Variants in RHOBTB3 observed in about 807,000 individuals in gnomAD.
RHOBTB3 encodes the protein Rho related BTB domain containing 3, also known as rho-related BTB domain-containing protein 3.
A neutral mutation model predicts 67.2 loss-of-function variants in RHOBTB3; 47 were observed. That is an observed-to-expected ratio of 0.70 (90% CI 0.55 to 0.89). The LOEUF is 0.89. Ranked by LOEUF, RHOBTB3 falls within the 40% of genes least tolerant of loss-of-function variation. RHOBTB3 has a pLI of 0.00. For missense variants in RHOBTB3, 631 were observed against 750.0 expected (o/e 0.84, Z 1.85); for synonymous variants, 273 against 274.2 (o/e 1.00, Z 0.04).
chr5:95,742,944 G>A (rs373825849), intron 3 of RHOBTB3, among the ~76,000 whole-genome samples: 42 of 152,260 alleles, frequency 2.8e-4, no homozygotes, highest in Middle Eastern at 3.4e-3. Context: ...GCTGGCGGGC[G>A]CCTGTAGTCC....
intron 10 of RHOBTB3, among the ~76,000 whole-genome samples, chr5:95,785,449 C>T (rs1746195825): frequency 1.3e-5 from 2 of 152,084 alleles, no homozygotes; most frequent in Admixed American, 6.5e-5. Flanking sequence ...AAAAAATTAG[C>T]TGGGTATAGT....
At chr5:95,754,257 A>G (rs912699287) in intron 5 of RHOBTB3, among the ~76,000 whole-genome samples, 26 of 152,348 alleles carry the variant, frequency 1.7e-4, no homozygotes, top group African/African-American at 5.3e-4. Context: ...AGCTGTGTGT[A>G]TAACACTAAA....
intron 7 of RHOBTB3, 82 bp downstream of exon 7, chr5:95,763,702 G>T (rs1006833830): frequency 2.6e-6 from 2 of 772,998 alleles, no homozygotes; most frequent in Non-Finnish European, 4.5e-6. Context: ...AAATTGAGTC[G>T]TTAGAAGAGT....
chr5:95,780,691 C>T (rs1275423104), intron 9 of RHOBTB3, among the ~76,000 whole-genome samples: 1 of 152,164 alleles, frequency 6.6e-6, no homozygotes, highest in Admixed American at 6.5e-5. Flanking sequence ...ATGGGGATCA[C>T]TGTAGGCAAC....
intron 6 of RHOBTB3, 92 bp from the exon 7 acceptor site, chr5:95,763,415 CT>C: frequency 1.4e-6 from 1 of 734,496 alleles, no homozygotes; most frequent in East Asian, 2.5e-5. Flanking sequence ...AATTAAAGCA[CT>C]AAAAAAAGGG....
At chr5:95,792,973 C>A in intron 11 of RHOBTB3, 86 bp from the exon 12 acceptor site, 1 of 879,352 alleles carries the variant, frequency 1.1e-6, no homozygotes, top group Non-Finnish European at 1.8e-6. Context: ...TGGATCTCAT[C>A]TATTAAAGAG....
At position 95,752,237 on chromosome 5, in the gene RHOBTB3, A is replaced by T; in HGVS notation, c.571-2A>T. Reference sequence around the variant, plus strand: ...TCAATTAAAATTTGATTCCTGTTTTAGTTGGAGTATTTTATGATTCAAGCC... The same window carrying T: ...TCAATTAAAATTTGATTCCTGTTTTTGTTGGAGTATTTTATGATTCAAGCC... On this transcript the variant is annotated splice_acceptor_variant, in intron 4 of 11. Coordinates refer to ENST00000379982, the MANE Select transcript of RHOBTB3 (RefSeq NM_014899.4). LOFTEE classifies it high-confidence loss of function. 6.6e-7 allele frequency: 1 copy of T among 1,507,094 alleles called. No homozygotes were observed. Among genetic ancestry groups the T allele is most frequent in the Non-Finnish European group, 9.1e-7 (1 of 1,100,360 alleles). 93.4% of individuals were successfully genotyped at this position (1,507,094 alleles called of 1,614,324 possible).
rs1745236563 is a variant in RHOBTB3 at position 95,756,080 on chromosome 5, T to C, written c.1048+319T>C. On this transcript the variant is annotated intron_variant, in intron 6 of 11. Transcript: ENST00000379982. The stretch of plus-strand genomic sequence containing the variant: ...AATTAAACACATTCATAATGTTGTG[T>C]AACTATCACCACCATCCGTGTCCAT... The C allele has an allele frequency of 6.8e-5, 16 of 235,120 alleles. No homozygotes were observed. The South Asian group carries it at 1.2e-3, about 18-fold the overall frequency. 14.6% of individuals were successfully genotyped at this position (235,120 alleles called of 1,614,324 possible).
intron 9 of RHOBTB3, chr5:95,783,561 C>CAAAAAAAAA (rs201633409): frequency 1.4e-3 from 155 of 107,520 alleles, no homozygotes; most frequent in African/African-American, 2.2e-3. Context: ...CCTGTCTCTA[C>CAAAAAAAAA]AAAAAAAAAA....
chr5:95,772,570 T>A (rs185266796), intron 8 of RHOBTB3, among the ~76,000 whole-genome samples: 1 of 152,200 alleles, frequency 6.6e-6, no homozygotes, highest in Non-Finnish European at 1.5e-5. Context: ...TCTGGAATTT[T>A]GGGTTATTCT....
chr5:95,782,534 T>C (rs9314155), intron 9 of RHOBTB3: 118,508 of 152,338 alleles, frequency 0.78, 46,924 homozygotes, highest in African/African-American at 0.92. Flanking sequence ...ATGGGCCGGA[T>C]GTGGCGGCTC....
At chr5:95,765,765 C>T (rs1443248776) in intron 7 of RHOBTB3, among the ~76,000 whole-genome samples, 1 of 152,170 alleles carries the variant, frequency 6.6e-6, no homozygotes, top group African/African-American at 2.4e-5. Flanking sequence ...GGGTTCATGC[C>T]ATTCTCCTGC....
intron 11 of RHOBTB3, among the ~76,000 whole-genome samples, chr5:95,791,809 G>T (rs1012631562): frequency 6.6e-6 from 1 of 151,996 alleles, no homozygotes; most frequent in Non-Finnish European, 1.5e-5. Context: ...GCCTCCCAAA[G>T]TGGTGGGATT....
At chr5:95,775,940 A>G (rs1745864098) in intron 8 of RHOBTB3, among the ~76,000 whole-genome samples, 1 of 152,192 alleles carries the variant, frequency 6.6e-6, no homozygotes, top group Non-Finnish European at 1.5e-5. Context: ...GTCTTAAGAT[A>G]AACTTACAAT....
chr5:95,718,143 A>G (rs150371875), intron 1 of RHOBTB3, among the ~76,000 whole-genome samples: 2 of 152,346 alleles, frequency 1.3e-5, no homozygotes, highest in African/African-American at 2.4e-5. Context: ...AACCTGAACT[A>G]AAAGATACTT....
chr5:95,745,779 T>C (rs1295619838), intron 3 of RHOBTB3, among the ~76,000 whole-genome samples: 1 of 152,144 alleles, frequency 6.6e-6, no homozygotes, highest in Admixed American at 6.6e-5. Flanking sequence ...TAAAATTAGT[T>C]TGAATCCTCT....
chr5:95,775,735 A>T (rs2112823810), intron 8 of RHOBTB3, among the ~76,000 whole-genome samples: 1 of 152,206 alleles, frequency 6.6e-6, no homozygotes, highest in East Asian at 1.9e-4. Flanking sequence ...GGGAATAGCA[A>T]TTGGAAGTGT....
chr5:95,781,513 T>C (rs1746045530), intron 9 of RHOBTB3: 1 of 152,268 alleles, frequency 6.6e-6, no homozygotes, highest in African/African-American at 2.4e-5. Context: ...TGCAGCTTTC[T>C]GTAGAGTATT....
rs755350282 is a variant in RHOBTB3, at chr5:95,755,682, C to T, written c.969C>T (p.Gly323=). 2.2e-5 allele frequency: 36 copies of T among 1,614,024 alleles called. No homozygotes were observed. The highest frequency in any genetic ancestry group is 5.3e-5 in the African/African-American group (4 of 74,936). ...AFPGASHESS[G]NPPLRVIVKD... Reference sequence around the variant, plus strand: ...CAGGTGCTAGCCATGAATCTTCAGGCAACCCACCATTACGAGTCATTGTTA... The same window carrying T: ...CAGGTGCTAGCCATGAATCTTCAGGTAACCCACCATTACGAGTCATTGTTA... Residue 323 remains glycine (G), a synonymous_variant, in exon 6 of 12, where the codon GGC becomes GGT. Transcript: ENST00000379982.
Sources: gnomAD v4.1 joint callset for allele counts (sites outside exome capture counted in the v4.1 genomes callset) on GRCh38, gnomAD v4.1.1 for gene constraint, MANE v1.5 for transcripts, NCBI Gene and HGNC (gene_info 2026-07-23, HGNC 2026-07-21) for gene names.